KLHL3: variants seen among roughly 807,000 people sequenced by gnomAD.
KLHL3 encodes the protein kelch like family member 3, also known as kelch-like protein 3.
In KLHL3, 19 loss-of-function variants were observed where a neutral mutation model predicts 70.5. The observed-to-expected ratio is 0.27, with a 90% confidence interval of 0.19 to 0.40. KLHL3 has a LOEUF of 0.40. KLHL3 is among the 10% of genes least tolerant of loss of function. KLHL3 has a pLI of 1.00. For synonymous variants in KLHL3, 258 were observed against 290.3 expected, an observed-to-expected ratio of 0.89 and a Z score of 1.13; for missense variants, 512 against 771.1, an observed-to-expected ratio of 0.66 and a Z score of 3.98.
chr5:137,655,993 GAAA>G (rs11442441), intron 8 of KLHL3, among the ~76,000 whole-genome samples: 6 of 107,928 alleles, frequency 5.6e-5, no homozygotes, highest in African/African-American at 1.4e-4. Context: ...TCTGCCTCAA[GAAA>G]AAAAAAAAAA....
intron 8 of KLHL3, among the ~76,000 whole-genome samples, chr5:137,643,376 A>T (rs1159060111): frequency 6.6e-6 from 1 of 151,842 alleles, no homozygotes; most frequent in Non-Finnish European, 1.5e-5. Context: ...AAAAAATAGA[A>T]TACAAGATAA....
intron 2 of KLHL3, among the ~76,000 whole-genome samples, chr5:137,713,496 G>A (rs946455461): frequency 6.6e-6 from 1 of 152,052 alleles, no homozygotes; most frequent in Admixed American, 6.6e-5. Flanking sequence ...TAATGAAGTT[G>A]GATCCCTACC....
chr5:137,634,460 A>G (rs1050656540), intron 11 of KLHL3, among the ~76,000 whole-genome samples: 14 of 152,262 alleles, frequency 9.2e-5, no homozygotes, highest in Admixed American at 1.3e-4. Flanking sequence ...CTGGGGCTCA[A>G]CATAATCTTG....
In KLHL3 at chr5:137,688,754, T is replaced by G. The variant is rs577556002; in HGVS notation, c.526+3531A>C. Among the ~76,000 whole-genome samples the G allele has an allele frequency of 9.8e-5, 15 of 152,372 alleles. No individual in the cohort carries two copies. The East Asian group carries it at 2.9e-3, about 29-fold the overall frequency. On this transcript the variant is annotated intron_variant, in intron 5 of 14. Transcript: ENST00000309755. ...CAAATTACTTCACCTCTCTGTGCCC[T>G]GGTTTCCTCAGCTATCATATGCATT...
intron 13 of KLHL3, among the ~76,000 whole-genome samples, chr5:137,627,488 C>G (rs10477801): frequency 0.62 from 57,328 of 91,962 alleles, 21,496 homozygotes; most frequent in Non-Finnish European, 0.77. Context: ...CCCCCCCCCC[C>G]GGTTTACACT....
chr5:137,672,401 G>C (rs1213916231), intron 6 of KLHL3, among the ~76,000 whole-genome samples: 1 of 152,192 alleles, frequency 6.6e-6, no homozygotes, highest in Non-Finnish European at 1.5e-5. Flanking sequence ...CAAGAAATAA[G>C]ATATCAAAAT....
intron 10 of KLHL3, 119 bp from the exon 11 acceptor site, chr5:137,637,514 C>T (rs1162817900): frequency 1.3e-6 from 1 of 768,244 alleles, no homozygotes; most frequent in Non-Finnish European, 2.2e-6. Context: ...ATGTATGGCT[C>T]AGTACCACCT....
chr5:137,661,094 T>C (rs1166129018), intron 7 of KLHL3: 1 of 152,224 alleles, frequency 6.6e-6, no homozygotes, highest in Non-Finnish European at 1.5e-5. Context: ...CTAATGCCAT[T>C]TACTGTATAA....
In KLHL3 at chr5:137,705,617, G is replaced by A. The variant is rs200360646; in HGVS notation, c.241+4133C>T. On this transcript the variant is annotated intron_variant, in intron 3 of 14. Transcript: ENST00000309755. The stretch of plus-strand genomic sequence containing the variant: ...AGATCACTCCCAGGGCTTCATTTGG[G>A]ATGGAAGCCCAAGTGTCTTTTAGCC... Among the ~76,000 whole-genome samples, 4 of 152,192 alleles carry A rather than the reference G, an allele frequency of 2.6e-5. No homozygotes were observed. The East Asian group carries it at 7.7e-4, about 29-fold the overall frequency.
chr5:137,630,236 T>G (rs756699967), intron 12 of KLHL3, among the ~76,000 whole-genome samples: 3 of 152,164 alleles, frequency 2.0e-5, no homozygotes, highest in Non-Finnish European at 2.9e-5. Flanking sequence ...TGGTTTTGAT[T>G]TCCTAAATCA....
In KLHL3 at chr5:137,618,712, G is replaced by A. The variant is rs1225673265; in HGVS notation, c.*3386C>T. ...TACCAGGCTCAGTGCCCGTCAGTGG[G>A]AGCCACCACGAGACAGCCCGGCCTC... On this transcript the variant is annotated 3_prime_UTR_variant, in exon 15 of 15. Transcript: ENST00000309755. The A allele has an allele frequency of 6.6e-6, 1 of 150,696 alleles. No individual in the cohort carries two copies. The highest frequency in any genetic ancestry group is 1.9e-4 in the East Asian group (1 of 5,150). 9.3% of individuals were successfully genotyped at this position (150,696 alleles called of 1,614,324 possible).
At chr5:137,704,329 G>C (rs1244917154) in intron 3 of KLHL3, among the ~76,000 whole-genome samples, 1 of 151,964 alleles carries the variant, frequency 6.6e-6, no homozygotes, top group Admixed American at 6.5e-5. Context: ...AGCTTGCAGT[G>C]AGCCGAGATT....
At chr5:137,730,345 G>T (rs1301992715) in intron 1 of KLHL3, among the ~76,000 whole-genome samples, 1 of 151,994 alleles carries the variant, frequency 6.6e-6, no homozygotes, top group Non-Finnish European at 1.5e-5. Context: ...CAGGCCAAAT[G>T]AAAAAAGACC....
At chr5:137,685,821 C>A (rs574476211) in intron 5 of KLHL3, among the ~76,000 whole-genome samples, 155 of 152,276 alleles carry the variant, frequency 1.0e-3, no homozygotes, top group African/African-American at 3.5e-3. Context: ...GCTACTGTAC[C>A]TGGCTAAAAT....
intron 14 of KLHL3, among the ~76,000 whole-genome samples, chr5:137,625,444 A>T (rs1286570598): frequency 6.6e-6 from 1 of 152,224 alleles, no homozygotes; most frequent in African/African-American, 2.4e-5. Context: ...GAAATTCTAA[A>T]ATCACTTGTG....
intron 1 of KLHL3, among the ~76,000 whole-genome samples, chr5:137,725,574 C>A (rs753632221): frequency 6.6e-6 from 1 of 152,166 alleles, no homozygotes; most frequent in Non-Finnish European, 1.5e-5. Context: ...AATGGGTCAA[C>A]AATTGTAGAT....
chr5:137,628,728 G>GACAT (rs1344104666), intron 12 of KLHL3: 1,075 of 89,608 alleles, frequency 0.012, 11 homozygotes, highest in African/African-American at 0.057. Context: ...CACACAGACA[G>GACAT]ACAGACATAC....
chr5:137,692,265 G>A lies in KLHL3; in HGVS notation c.526+20C>T. 2 of 1,603,608 alleles carry A rather than the reference G, an allele frequency of 1.2e-6. No homozygotes were observed. Among genetic ancestry groups the A allele is most frequent in the Non-Finnish European group, 8.5e-7 (1 of 1,174,622 alleles). On this transcript the variant is annotated intron_variant, in intron 5 of 14. Transcript: ENST00000309755. ...GATCCACAAACTCGGAGGAGGTGCA[G>A]CAGTCCGGCTCCCCCTTACCTGCGT...
At chr5:137,695,145 G>T (rs1237315886) in intron 4 of KLHL3, among the ~76,000 whole-genome samples, 2 of 152,176 alleles carry the variant, frequency 1.3e-5, no homozygotes, top group Non-Finnish European at 2.9e-5. Flanking sequence ...ACCAGCCAGA[G>T]AAATGAAATA....
Sources: gnomAD v4.1 joint callset for allele counts (sites outside exome capture counted in the v4.1 genomes callset) on GRCh38, gnomAD v4.1.1 for gene constraint, MANE v1.5 for transcripts, NCBI Gene and HGNC (gene_info 2026-07-23, HGNC 2026-07-21) for gene names.